RPS6KC1: variants seen among roughly 807,000 people sequenced by gnomAD.
The protein encoded by RPS6KC1 is inactive ribosomal protein S6 kinase delta-1.
In RPS6KC1, 54 loss-of-function variants were observed where a neutral mutation model predicts 103.8. The observed-to-expected ratio is 0.52, with a 90% confidence interval of 0.42 to 0.65. RPS6KC1 has a LOEUF of 0.65. RPS6KC1 is among the 30% of genes least tolerant of loss of function. The probability of loss-of-function intolerance (pLI) is 0.00; values close to 1 mark genes in which losing one functional copy is unlikely to be tolerated. For synonymous variants in RPS6KC1, 439 were observed against 438.7 expected (o/e 1.00, Z -0.01); for missense variants, 1,151 against 1,253.8 (o/e 0.92, Z 1.24).
chr1:213,423,735 C>T, the RPS6KC1 span, among the ~76,000 whole-genome samples: 1 of 144,818 alleles, frequency 6.9e-6, no homozygotes, highest in African/African-American at 2.6e-5. Flanking sequence ...CTTATTTTGC[C>T]TTTAAAGTGG....
chr1:213,366,813 C>T, the RPS6KC1 span, among the ~76,000 whole-genome samples: 1 of 152,198 alleles, frequency 6.6e-6, no homozygotes, highest in East Asian at 1.9e-4. Context: ...GCTGATCTAT[C>T]TTCATACGGT....
the RPS6KC1 span, among the ~76,000 whole-genome samples, chr1:213,401,238 T>C: frequency 1.3e-5 from 2 of 152,184 alleles, no homozygotes; most frequent in African/African-American, 4.8e-5. Flanking sequence ...TGGATTATTT[T>C]ATGAATTACT....
the RPS6KC1 span, among the ~76,000 whole-genome samples, chr1:213,837,746 A>G: frequency 6.6e-6 from 1 of 152,094 alleles, no homozygotes; most frequent in Non-Finnish European, 1.5e-5. Flanking sequence ...TTTTACCTCT[A>G]TTTTATTATG....
At chr1:213,353,089 T>A in the RPS6KC1 span, among the ~76,000 whole-genome samples, 2 of 152,200 alleles carry the variant, frequency 1.3e-5, no homozygotes, top group Non-Finnish European at 2.9e-5. Context: ...ACTGTAGAAT[T>A]TACTAATGTA....
the RPS6KC1 span, among the ~76,000 whole-genome samples, chr1:213,322,537 T>C: frequency 6.6e-6 from 1 of 152,146 alleles, no homozygotes; most frequent in East Asian, 1.9e-4. Context: ...TGTTAACAAA[T>C]TACCACAAAT....
chr1:213,180,967 A>G (rs57356473), intron 8 of RPS6KC1, among the ~76,000 whole-genome samples: 4,614 of 152,256 alleles, frequency 0.03, 220 homozygotes, highest in African/African-American at 0.11. Flanking sequence ...ACAGTAACGT[A>G]CCAATGTTAC....
chr1:213,369,412 A>T, the RPS6KC1 span, among the ~76,000 whole-genome samples: 1 of 152,214 alleles, frequency 6.6e-6, no homozygotes, highest in Admixed American at 6.5e-5. Flanking sequence ...CAGCTACCAA[A>T]GACCCCTGGC....
At chr1:213,152,402 A>T (rs1218160293) in intron 6 of RPS6KC1, among the ~76,000 whole-genome samples, 1 of 142,758 alleles carries the variant, frequency 7.0e-6, no homozygotes, top group Non-Finnish European at 1.5e-5. Flanking sequence ...TCCCTCCCGG[A>T]CGGGGTGGCT....
chr1:213,523,634 T>C, the RPS6KC1 span, among the ~76,000 whole-genome samples: 1 of 152,240 alleles, frequency 6.6e-6, no homozygotes, highest in Non-Finnish European at 1.5e-5. Flanking sequence ...TTGTTGTCAT[T>C]GTTATCTTTA....
chr1:213,259,734 A>ATTTTTTTTTTTTTTTTTTTTTTTATT (rs71147063), intron 12 of RPS6KC1, among the ~76,000 whole-genome samples: 2 of 97,922 alleles, frequency 2.0e-5, no homozygotes, highest in Non-Finnish European at 3.8e-5. Context: ...TGTTTTTTTA[A>ATTTTTTTTTTTTTTTTTTTTTTTATT]TTTTTTTTTT....
At position 213,176,385 on chromosome 1, in the gene RPS6KC1, GAT is replaced by G; in HGVS notation, c.952-12_952-11del. 1.9e-6 allele frequency: 3 copies of G among 1,574,556 alleles called. No individual in the cohort carries two copies. The highest frequency in any genetic ancestry group is 2.6e-6 in the Non-Finnish European group (3 of 1,149,844). ...CCTCCCTGATTGATGTATAATCTTTGATATCTTCCATTAGCCTCCAGGATCAC... is the reference window on the plus strand; with the variant it reads ...CCTCCCTGATTGATGTATAATCTTTGATCTTCCATTAGCCTCCAGGATCAC... On this transcript the variant is annotated splice_polypyrimidine_tract_variant and intron_variant, in intron 7 of 14. Transcript: ENST00000366960.
intron 8 of RPS6KC1, among the ~76,000 whole-genome samples, chr1:213,201,850 A>G (rs183657106): frequency 6.6e-6 from 1 of 152,316 alleles, no homozygotes; most frequent in Non-Finnish European, 1.5e-5. Flanking sequence ...GTGATACTAT[A>G]GTTGATGTTA....
At chr1:213,809,344 C>T in the RPS6KC1 span, among the ~76,000 whole-genome samples, 5 of 152,098 alleles carry the variant, frequency 3.3e-5, no homozygotes, top group East Asian at 3.9e-4. Context: ...ATAGTAACAT[C>T]GAAGATCACT....
intron 5 of RPS6KC1, among the ~76,000 whole-genome samples, chr1:213,119,481 T>G (rs1196741792): frequency 2.4e-4 from 17 of 69,638 alleles, no homozygotes; most frequent in African/African-American, 1.2e-3. Context: ...TATATATATA[T>G]ATATATATAT....
chr1:213,369,002 ACTGT>A, the RPS6KC1 span, among the ~76,000 whole-genome samples: 3,953 of 152,312 alleles, frequency 0.026, 175 homozygotes, highest in East Asian at 0.19. Context: ...ACAGTTGCGT[ACTGT>A]CTGTCTCTGA....
In RPS6KC1 at chr1:213,077,747, T is replaced by C; in HGVS notation, c.193T>C (p.Trp65Arg). 6.5e-7 allele frequency: 1 copy of C among 1,543,334 alleles called. No individual in the cohort carries two copies. Among genetic ancestry groups the C allele is most frequent in the Non-Finnish European group, 8.9e-7 (1 of 1,127,814 alleles). Residue 65 changes from tryptophan to arginine, a missense_variant, in exon 3 of 15, where the codon TGG becomes CGG. Around this residue, in one of 3 missense-constraint regions of RPS6KC1, gnomAD observed 959 missense variants for 1,006.3 expected, o/e 0.95. Coordinates refer to ENST00000366960, the MANE Select transcript of RPS6KC1 (RefSeq NM_012424.6). ...TTTTAAGAAACTACACAAAGAACTA[T>C]GGCAAATTCACAAAAACTTATTCCG... ...SDFKKLHKEL[W>R]QIHKNLFRHS... is the part of the protein sequence containing the mutation.
the RPS6KC1 span, among the ~76,000 whole-genome samples, chr1:213,860,184 T>C: frequency 1.3e-5 from 2 of 151,078 alleles, no homozygotes; most frequent in African/African-American, 4.8e-5. Context: ...TGAAGAAAGT[T>C]CTTAAATATC....
chr1:213,549,849 A>T, the RPS6KC1 span, among the ~76,000 whole-genome samples: 2 of 151,772 alleles, frequency 1.3e-5, no homozygotes, highest in South Asian at 4.2e-4. Context: ...TTTTATTGTT[A>T]TCCAAGAAAA....
At chr1:213,616,155 C>T in the RPS6KC1 span, among the ~76,000 whole-genome samples, 1 of 152,208 alleles carries the variant, frequency 6.6e-6, no homozygotes, top group South Asian at 2.1e-4. Flanking sequence ...GGAGCTTACA[C>T]TCAAATCAGA....
Sources: allele counts gnomAD v4.1 joint callset (sites outside exome capture counted in the v4.1 genomes callset), GRCh38; gene constraint gnomAD v4.1.1; regional missense constraint gnomAD v4.1.1; transcripts MANE v1.5; gene names NCBI Gene and HGNC (gene_info 2026-07-23, HGNC 2026-07-21).